Variants in PCDHA8 observed in about 807,000 individuals in gnomAD.
PCDHA8 encodes protocadherin alpha-8.
A neutral mutation model predicts 61.8 loss-of-function variants in PCDHA8; 53 were observed. The ratio of observed to expected loss-of-function variants is 0.86; its 90% confidence interval spans 0.69 to 1.08. The LOEUF is 1.08. Ranked by LOEUF, PCDHA8 falls within the 50% of genes least tolerant of loss-of-function variation. The pLI, the probability that PCDHA8 is intolerant of heterozygous loss-of-function variation, is 0.00. For missense variants in PCDHA8, 1,293 were observed against 1,245.0 expected, an observed-to-expected ratio of 1.04 and a Z score of -0.58; for synonymous variants, 618 against 556.6, an observed-to-expected ratio of 1.11 and a Z score of -1.55.
At chr5:140,884,556 G>T in intron 1 of PCDHA8, 1 of 1,614,154 alleles carries the variant, frequency 6.2e-7, no homozygotes, top group Non-Finnish European at 8.5e-7. Context: ...TCTGGGGAGG[G>T]CCCGCATAAG....
At chr5:141,005,095 A>T (rs1554259887) in intron 3 of PCDHA8, among the ~76,000 whole-genome samples, 1 of 152,192 alleles carries the variant, frequency 6.6e-6, no homozygotes, top group South Asian at 2.1e-4. Flanking sequence ...CTTTACATGC[A>T]TTACATCATT....
chr5:140,961,694 G>A (rs1554225551), intron 1 of PCDHA8, among the ~76,000 whole-genome samples: 2 of 152,152 alleles, frequency 1.3e-5, no homozygotes, highest in Non-Finnish European at 2.9e-5. Flanking sequence ...GTAGTCCTTA[G>A]TATGAATGCC....
Position 141,011,847 on chromosome 5 carries a change from T to C in PCDHA8, c.*1910T>C, listed in dbSNP as rs745912784. 2.0e-5 allele frequency: 3 copies of C among 153,780 alleles called. No individual in the cohort carries two copies. Among genetic ancestry groups the C allele is most frequent in the Non-Finnish European group, 4.4e-5 (3 of 68,052 alleles). The allele number at this position is 153,780 out of a possible 1,614,324, so 9.5% of individuals were successfully genotyped here. ...ATTTGCTGTCACCTTAAATAAGACA[T>C]TTTAATTTTGTTATAATGTACAATT... On this transcript the variant is annotated 3_prime_UTR_variant, in exon 4 of 4. Coordinates refer to ENST00000531613, the MANE Select transcript of PCDHA8 (RefSeq NM_018911.3).
intron 1 of PCDHA8, among the ~76,000 whole-genome samples, chr5:140,905,926 A>G (rs1040903041): frequency 6.6e-6 from 1 of 152,318 alleles, no homozygotes; most frequent in East Asian, 1.9e-4. Flanking sequence ...TCTGAGTCCC[A>G]AAGCTGAAGA....
At chr5:141,001,885 A>C (rs1462586962) in intron 3 of PCDHA8, among the ~76,000 whole-genome samples, 2 of 152,228 alleles carry the variant, frequency 1.3e-5, no homozygotes, top group African/African-American at 2.4e-5. Context: ...GAAGGAGCAA[A>C]GAAATCGGGG....
chr5:140,865,916 T>C (rs1446855400), intron 1 of PCDHA8: 1 of 152,190 alleles, frequency 6.6e-6, no homozygotes, highest in Non-Finnish European at 1.5e-5. Context: ...TTTCTTTCTG[T>C]TGTGCTTAGA....
Position 140,923,432 on chromosome 5 carries a change from G to A in PCDHA8, c.2395-55517G>A, listed in dbSNP as rs116357562. Among the ~76,000 whole-genome samples, 1,228 of 152,230 alleles carry A rather than the reference G, an allele frequency of 8.1e-3. 6 individuals are homozygous for A. The highest frequency in any genetic ancestry group is 0.019 in the African/African-American group (793 of 41,542). The stretch of plus-strand genomic sequence containing the variant: ...AATCCTGGCTACTTGGGAGGCTGGG[G>A]TGGGAGGATCACCTGAGCCCAGAGA... On this transcript the variant is annotated intron_variant, in intron 1 of 3. Transcript: ENST00000531613.
chr5:140,982,427 G>C, intron 2 of PCDHA8, 48 bp from the exon 3 acceptor site: 1 of 1,612,412 alleles, frequency 6.2e-7, no homozygotes, highest in Non-Finnish European at 8.5e-7. Context: ...GAAGAGATGG[G>C]AAAGAATTTA....
At chr5:140,867,525 TA>T (rs2050008799) in intron 1 of PCDHA8, 4 of 152,102 alleles carry the variant, frequency 2.6e-5, no homozygotes, top group Admixed American at 2.6e-4. Context: ...AATAGTTGAA[TA>T]TATATATAAA....
chr5:141,002,614 T>C (rs2098088159), intron 3 of PCDHA8, among the ~76,000 whole-genome samples: 1 of 152,130 alleles, frequency 6.6e-6, no homozygotes, highest in Non-Finnish European at 1.5e-5. Context: ...AACAGACACA[T>C]AACACAGACA....
chr5:140,967,838 G>A, intron 1 of PCDHA8: 1 of 1,614,124 alleles, frequency 6.2e-7, no homozygotes, highest in Non-Finnish European at 8.5e-7. Flanking sequence ...CATCGTGGAC[G>A]TGAATGACAA....
In PCDHA8 at chr5:140,848,922, G is replaced by A. The variant is rs2150424904; in HGVS notation, c.2394+5207G>A. Reference sequence around the variant, plus strand: ...AGCGACACAAAAGAATCTGTTCATCGCGGAATCCAGGCCGCTTGACTCTCG... The same window carrying A: ...AGCGACACAAAAGAATCTGTTCATCACGGAATCCAGGCCGCTTGACTCTCG... On this transcript the variant is annotated intron_variant, in intron 1 of 3. Transcript: ENST00000531613. The A allele has an allele frequency of 1.1e-5, 18 of 1,607,650 alleles. 1 individual carries two copies. The highest frequency in any genetic ancestry group is 2.7e-5 in the African/African-American group (2 of 73,700).
At chr5:140,960,715 CTTATTTTAGTCCA>C (rs60915889) in intron 1 of PCDHA8, among the ~76,000 whole-genome samples, 85,456 of 151,802 alleles carry the variant, frequency 0.56, 24,653 homozygotes, top group African/African-American at 0.69. Flanking sequence ...AAATACTCAT[CTTATTTTAGTCCA>C]TGATTTTAGT....
intron 1 of PCDHA8, among the ~76,000 whole-genome samples, chr5:140,879,152 A>C (rs1369330748): frequency 6.6e-6 from 1 of 152,210 alleles, no homozygotes; most frequent in African/African-American, 2.4e-5. Context: ...CAGGAAAGCT[A>C]TTTCTTTTTT....
At chr5:140,960,737 G>T (rs2095566221) in intron 1 of PCDHA8, among the ~76,000 whole-genome samples, 1 of 145,230 alleles carries the variant, frequency 6.9e-6, no homozygotes, top group South Asian at 2.2e-4. Context: ...CATGATTTTA[G>T]TCCATGGCTA....
intron 1 of PCDHA8, chr5:140,851,167 C>T: frequency 7.8e-7 from 1 of 1,282,038 alleles, no homozygotes. Context: ...GCTATGCTGC[C>T]ATAACACTTG....
chr5:140,927,402 C>G, intron 1 of PCDHA8: 1 of 1,614,128 alleles, frequency 6.2e-7, no homozygotes, highest in Non-Finnish European at 8.5e-7. Context: ...AGCACTTTCG[C>G]CTGGACATGG....
intron 1 of PCDHA8, chr5:140,871,314 G>A (rs199741530): frequency 6.2e-7 from 1 of 1,614,048 alleles, no homozygotes; most frequent in East Asian, 2.2e-5. Context: ...GGAAGCCCAC[G>A]CTGGTGTGCT....
chr5:140,994,412 G>C (rs1412198813), intron 3 of PCDHA8, among the ~76,000 whole-genome samples: 1 of 152,068 alleles, frequency 6.6e-6, no homozygotes, highest in Non-Finnish European at 1.5e-5. Flanking sequence ...ATTTAATACT[G>C]GATATTGAGG....
Sources: gnomAD v4.1 joint callset for allele counts (sites outside exome capture counted in the v4.1 genomes callset) on GRCh38, gnomAD v4.1.1 for gene constraint, MANE v1.5 for transcripts, NCBI Gene and HGNC (gene_info 2026-07-23, HGNC 2026-07-21) for gene names.